Variants in FOXJ3 observed in about 807,000 individuals in gnomAD.
The protein encoded by FOXJ3 is forkhead box protein J3.
FOXJ3 carries 22 observed loss-of-function variants against 76.1 expected under a neutral mutation model. That is an observed-to-expected ratio of 0.29 (90% CI 0.21 to 0.41). FOXJ3 has a LOEUF of 0.41. Ranked by LOEUF, FOXJ3 falls within the 10% of genes least tolerant of loss-of-function variation. FOXJ3 has a pLI of 1.00. For missense variants in FOXJ3, 613 were observed against 762.1 expected (o/e 0.80, Z 2.30); for synonymous variants, 269 against 261.2 (o/e 1.03, Z -0.29).
chr1:42,316,226 T>C (rs1655096041), intron 1 of FOXJ3, among the ~76,000 whole-genome samples: 3 of 151,304 alleles, frequency 2.0e-5, no homozygotes, highest in South Asian at 2.1e-4. Flanking sequence ...TGGAGTACAG[T>C]GGCCAGATGA....
chr1:42,300,845 T>C (rs1654098828), intron 2 of FOXJ3, among the ~76,000 whole-genome samples: 1 of 152,178 alleles, frequency 6.6e-6, no homozygotes, highest in Non-Finnish European at 1.5e-5. Flanking sequence ...CCCCAATCTC[T>C]TCCAGCTGAC....
intron 3 of FOXJ3, among the ~76,000 whole-genome samples, chr1:42,269,357 G>A (rs1287819122): frequency 1.3e-5 from 2 of 152,094 alleles, no homozygotes; most frequent in Non-Finnish European, 2.9e-5. Context: ...TTAGTAAATG[G>A]CTCAGTGTGA....
rs1646711587 is a variant in FOXJ3 at position 42,199,210 on chromosome 1, A to G, written c.651T>C (p.Asp217=). The change falls in exon 7 of 13, where the codon GAT becomes GAC. Residue 217 remains aspartate, a synonymous_variant. Transcript: ENST00000361346. ...TGCGTGGGCTATCACTACCATCCTGATCAGTGTTATACAATGTTACCTAAA... is the reference window on the plus strand; with the variant it reads ...TGCGTGGGCTATCACTACCATCCTGGTCAGTGTTATACAATGTTACCTAAA... The part of the protein sequence containing the change: ...VTNKVTLYNT[D]QDGSDSPRSS... 1 of 1,612,830 alleles carries G rather than the reference A, an allele frequency of 6.2e-7. No homozygotes were observed. Among genetic ancestry groups the G allele is most frequent in the Non-Finnish European group, 8.5e-7 (1 of 1,178,918 alleles).
intron 1 of FOXJ3, among the ~76,000 whole-genome samples, chr1:42,331,865 C>T (rs370588311): frequency 6.6e-6 from 1 of 151,540 alleles, no homozygotes; most frequent in Non-Finnish European, 1.5e-5. Context: ...AGGAGAGAAG[C>T]GTTAAAGTAT....
chr1:42,273,686 A>AG (rs1268886735), intron 3 of FOXJ3, among the ~76,000 whole-genome samples: 1 of 151,548 alleles, frequency 6.6e-6, no homozygotes, highest in Non-Finnish European at 1.5e-5. Context: ...AAAAAAAAAA[A>AG]AAAAAAAAAT....
rs1646500151 is a variant in FOXJ3, at chr1:42,189,491, A to T, written c.1352-87T>A. On this transcript the variant is annotated intron_variant, in intron 9 of 12. Transcript: ENST00000361346. ...AAACGATGAGCTGCCCTTATTCCTGAAATTGGCTGATTCTTGTCCCGTCTT... is the reference window on the plus strand; with the variant it reads ...AAACGATGAGCTGCCCTTATTCCTGTAATTGGCTGATTCTTGTCCCGTCTT... 3.4e-5 allele frequency: 31 copies of T among 918,874 alleles called. 1 individual carries two copies. The South Asian group carries it at 4.3e-4, about 13-fold the overall frequency. 56.9% of individuals were successfully genotyped at this position (918,874 alleles called of 1,614,324 possible).
At chr1:42,284,130 G>T (rs1413988727) in intron 2 of FOXJ3, among the ~76,000 whole-genome samples, 1 of 152,158 alleles carries the variant, frequency 6.6e-6, no homozygotes. Context: ...CTATAAAAGA[G>T]TCTCTATTAG....
chr1:42,210,211 A>C (rs1236265443), intron 5 of FOXJ3, among the ~76,000 whole-genome samples: 1 of 152,132 alleles, frequency 6.6e-6, no homozygotes, highest in African/African-American at 2.4e-5. Flanking sequence ...ACAGCCACGG[A>C]ACTGCCCTCT....
chr1:42,194,794 T>C (rs1173995036), intron 8 of FOXJ3, 96 bp downstream of exon 8: 3 of 755,056 alleles, frequency 4.0e-6, no homozygotes, highest in African/African-American at 3.6e-5. Flanking sequence ...GATGATAATA[T>C]TCTAAGATTA....
At chr1:42,249,042 G>T (rs937721438) in intron 4 of FOXJ3, among the ~76,000 whole-genome samples, 2 of 152,006 alleles carry the variant, frequency 1.3e-5, no homozygotes, top group Non-Finnish European at 2.9e-5. Context: ...TGAGGATGGT[G>T]GCTTCCGGCT....
upstream of FOXJ3, chr1:42,335,595 C>G (rs1656449748): frequency 6.6e-6 from 1 of 151,990 alleles, no homozygotes; most frequent in East Asian, 1.9e-4. Flanking sequence ...GCCTTCTGCC[C>G]TCCCCCGCCC....
In FOXJ3 at chr1:42,264,919, C is replaced by T. The variant is rs533727692; in HGVS notation, c.444+196G>A. The T allele has an allele frequency of 4.1e-5, 22 of 532,810 alleles. No individual in the cohort carries two copies. The Admixed American group carries it at 5.9e-4, about 14-fold the overall frequency. The allele number at this position is 532,810 out of a possible 1,614,324, so 33.0% of individuals were successfully genotyped here. A position where few individuals can be genotyped will look rare whatever the true frequency, so the allele number is the denominator to read the frequency against. ...TTAGATTAGAAACAGCAAAGTACAACAGCACTGTGGTGTGCAACAGCTATA... is the reference window on the plus strand; with the variant it reads ...TTAGATTAGAAACAGCAAAGTACAATAGCACTGTGGTGTGCAACAGCTATA... On this transcript the variant is annotated intron_variant, in intron 4 of 12. Coordinates refer to ENST00000361346, the MANE Select transcript of FOXJ3 (RefSeq NM_014947.5).
intron 3 of FOXJ3, among the ~76,000 whole-genome samples, chr1:42,266,304 T>C (rs1425940144): frequency 6.6e-6 from 1 of 152,060 alleles, no homozygotes; most frequent in Non-Finnish European, 1.5e-5. Context: ...GCTTGGGATG[T>C]AAACAGCTAC....
At chr1:42,237,431 T>C (rs1169884398) in intron 4 of FOXJ3, among the ~76,000 whole-genome samples, 2 of 142,128 alleles carry the variant, frequency 1.4e-5, no homozygotes, top group African/African-American at 5.2e-5. Flanking sequence ...TATATATACA[T>C]ACATACATAT....
chr1:42,244,380 G>C (rs895218078), intron 4 of FOXJ3, among the ~76,000 whole-genome samples: 3 of 152,144 alleles, frequency 2.0e-5, no homozygotes, highest in African/African-American at 7.2e-5. Context: ...GCCTGGCATG[G>C]TGACATCTGC....
At chr1:42,300,722 AG>A (rs1654086877) in intron 2 of FOXJ3, among the ~76,000 whole-genome samples, 1 of 152,160 alleles carries the variant, frequency 6.6e-6, no homozygotes, top group Non-Finnish European at 1.5e-5. Flanking sequence ...GGCTGTGGTG[AG>A]CTGTGATCAC....
intron 1 of FOXJ3, among the ~76,000 whole-genome samples, chr1:42,334,400 C>T (rs1371886246): frequency 3.3e-5 from 5 of 152,276 alleles, no homozygotes; most frequent in Admixed American, 6.5e-5. Context: ...TCCTCACCAG[C>T]TGCAAAAATG....
At chr1:42,210,288 G>GC (rs1265824850) in intron 5 of FOXJ3, among the ~76,000 whole-genome samples, 1 of 152,224 alleles carries the variant, frequency 6.6e-6, no homozygotes, top group East Asian at 1.9e-4. Context: ...GCTTGACCCG[G>GC]CCCCCATCTG....
chr1:42,262,274 G>C (rs1320578096), intron 4 of FOXJ3, among the ~76,000 whole-genome samples: 1 of 152,132 alleles, frequency 6.6e-6, no homozygotes, highest in African/African-American at 2.4e-5. Flanking sequence ...TTGAGTTTCT[G>C]TGACTGACAA....
Sources: gnomAD v4.1 joint callset for allele counts (sites outside exome capture counted in the v4.1 genomes callset) on GRCh38, gnomAD v4.1.1 for gene constraint, MANE v1.5 for transcripts, NCBI Gene and HGNC (gene_info 2026-07-23, HGNC 2026-07-21) for gene names.